Variants in RBFOX1 observed in about 807,000 individuals in gnomAD.
The protein encoded by RBFOX1 is RNA binding protein fox-1 homolog 1.
RBFOX1 carries 8 observed loss-of-function variants against 57.7 expected under a neutral mutation model. The observed-to-expected ratio is 0.14, with a 90% CI of 0.08 to 0.25. RBFOX1 has a LOEUF of 0.25. Among genes scored for constraint, RBFOX1 ranks in the 10% least tolerant of loss-of-function variants. The pLI is 1.00. For missense variants in RBFOX1, 611 were observed against 548.5 expected (o/e 1.11, Z -1.14); for synonymous variants, 326 against 222.4 (o/e 1.47, Z -4.15).
chr16:6,126,518 C>A (rs183077943), intron 1 of RBFOX1, among the ~76,000 whole-genome samples: 1 of 152,114 alleles, frequency 6.6e-6, no homozygotes, highest in African/African-American at 2.4e-5. Context: ...TGCCGAAGAT[C>A]ACAGACATAG....
At chr16:7,573,771 G>T (rs949037671) in intron 5 of RBFOX1, among the ~76,000 whole-genome samples, 4 of 151,844 alleles carry the variant, frequency 2.6e-5, no homozygotes, top group Admixed American at 6.6e-5. Context: ...GGAGGCAGAG[G>T]TTGCAGTGAG....
chr16:7,482,332 T>G (rs2064175248), intron 4 of RBFOX1, among the ~76,000 whole-genome samples: 1 of 152,268 alleles, frequency 6.6e-6, no homozygotes, highest in Non-Finnish European at 1.5e-5. Flanking sequence ...AGTCCCACTT[T>G]ACCGGTGAGA....
chr16:5,798,998 T>G (rs2054971506), intron 3 of RBFOX1, among the ~76,000 whole-genome samples: 1 of 152,132 alleles, frequency 6.6e-6, no homozygotes, highest in Non-Finnish European at 1.5e-5. Context: ...CAAAAGGGCT[T>G]ATTAGTCTGT....
At chr16:7,300,593 G>T (rs182148026) in intron 4 of RBFOX1, among the ~76,000 whole-genome samples, 4 of 144,036 alleles carry the variant, frequency 2.8e-5, no homozygotes, top group Non-Finnish European at 6.0e-5. Context: ...TTGCTCTGAG[G>T]TATGGCAACT....
At chr16:6,218,969 T>C (rs1462237859) in intron 1 of RBFOX1, among the ~76,000 whole-genome samples, 2 of 152,226 alleles carry the variant, frequency 1.3e-5, no homozygotes, top group Non-Finnish European at 2.9e-5. Flanking sequence ...AGCATAATAG[T>C]CAGTAGCACG....
intron 1 of RBFOX1, among the ~76,000 whole-genome samples, chr16:6,223,576 A>G (rs1184978253): frequency 6.6e-6 from 1 of 151,804 alleles, no homozygotes; most frequent in Non-Finnish European, 1.5e-5. Context: ...AATTTGTTTG[A>G]GTTCATTGTA....
chr16:6,456,733 A>G (rs2094783605), intron 2 of RBFOX1, among the ~76,000 whole-genome samples: 1 of 152,304 alleles, frequency 6.6e-6, no homozygotes, highest in East Asian at 1.9e-4. Flanking sequence ...AAGACAACTG[A>G]ATGGATCCGT....
intron 3 of RBFOX1, among the ~76,000 whole-genome samples, chr16:6,693,805 T>C (rs901600036): frequency 6.6e-6 from 1 of 151,942 alleles, no homozygotes; most frequent in Non-Finnish European, 1.5e-5. Flanking sequence ...ACCACCACCA[T>C]CATCATCATC....
At chr16:6,862,030 C>T (rs1424586292) in intron 3 of RBFOX1, among the ~76,000 whole-genome samples, 1 of 151,988 alleles carries the variant, frequency 6.6e-6, no homozygotes, top group Non-Finnish European at 1.5e-5. Context: ...ACTCGATAAG[C>T]TCCAGTCAAT....
chr16:5,472,510 T>A (rs2069173242), intron 2 of RBFOX1, among the ~76,000 whole-genome samples: 1 of 151,210 alleles, frequency 6.6e-6, no homozygotes, highest in South Asian at 2.1e-4. Context: ...GACTGGGGAG[T>A]ATTTGCTCTT....
chr16:7,175,091 G>C (rs1387323397), intron 4 of RBFOX1, among the ~76,000 whole-genome samples: 3 of 151,526 alleles, frequency 2.0e-5, no homozygotes, highest in Non-Finnish European at 4.4e-5. Context: ...GTGCACGTTT[G>C]TTACATAGGT....
At chr16:7,289,532 T>A (rs928773348) in intron 4 of RBFOX1, among the ~76,000 whole-genome samples, 7 of 152,072 alleles carry the variant, frequency 4.6e-5, no homozygotes, top group African/African-American at 1.4e-4. Context: ...ATCACCATTA[T>A]CACCATCAGC....
intron 2 of RBFOX1, among the ~76,000 whole-genome samples, chr16:6,360,151 A>T (rs1257863953): frequency 2.6e-5 from 4 of 152,198 alleles, no homozygotes; most frequent in Non-Finnish European, 4.4e-5. Flanking sequence ...CAATTAAAAA[A>T]AATATAGATT....
chr16:6,280,162 C>T (rs1447137951), intron 1 of RBFOX1, among the ~76,000 whole-genome samples: 3 of 151,970 alleles, frequency 2.0e-5, no homozygotes, highest in Admixed American at 6.6e-5. Context: ...AAATAGGGAC[C>T]AGAGGTAGAG....
intron 3 of RBFOX1, among the ~76,000 whole-genome samples, chr16:6,684,218 G>C (rs968238732): frequency 5.3e-5 from 8 of 152,212 alleles, no homozygotes; most frequent in African/African-American, 1.9e-4. Context: ...TCTTATGCAT[G>C]GAACTGGTGG....
In RBFOX1 at chr16:6,285,185, G is replaced by A. The variant is rs939935076; in HGVS notation, c.-126-31810G>A. ...CAGTGGCCCTGGATAGGGGAGAAAA[G>A]GGGGTCCCGTTAATTTGCAAATTTG... is the stretch of plus-strand genomic sequence containing the variant. On this transcript the variant is annotated intron_variant, in intron 1 of 15. Transcript: ENST00000550418. Among the ~76,000 whole-genome samples, 3 of 152,148 alleles carry A rather than the reference G, an allele frequency of 2.0e-5. No individual in the cohort carries two copies. The South Asian group carries it at 6.2e-4, about 32-fold the overall frequency.
intron 2 of RBFOX1, among the ~76,000 whole-genome samples, chr16:6,506,234 C>T (rs1208708002): frequency 1.3e-5 from 2 of 152,060 alleles, no homozygotes; most frequent in African/African-American, 4.8e-5. Context: ...GTCAGTGCTT[C>T]TGGACTAAGG....
At chr16:7,583,363 T>A (rs2093921212) in intron 6 of RBFOX1, among the ~76,000 whole-genome samples, 1 of 152,222 alleles carries the variant, frequency 6.6e-6, no homozygotes, top group Non-Finnish European at 1.5e-5. Context: ...TGTCTTCACG[T>A]TAGGTATCAT....
chr16:7,652,310 G>C (rs941140141), intron 11 of RBFOX1, among the ~76,000 whole-genome samples: 2 of 152,174 alleles, frequency 1.3e-5, no homozygotes, highest in Non-Finnish European at 2.9e-5. Flanking sequence ...AGTTATCAGG[G>C]GGCTGGGGTA....
Sources: gnomAD v4.1 joint callset for allele counts (sites outside exome capture counted in the v4.1 genomes callset) on GRCh38, gnomAD v4.1.1 for gene constraint, MANE v1.5 for transcripts, NCBI Gene and HGNC (gene_info 2026-07-23, HGNC 2026-07-21) for gene names.